BICDL1: variants seen among roughly 807,000 people sequenced by gnomAD.
BICDL1 encodes BICD family-like cargo adapter 1.
Under a neutral mutation model 76.8 loss-of-function variants are expected in BICDL1, and 20 were observed. The ratio of observed to expected loss-of-function variants is 0.26; its 90% CI spans 0.18 to 0.38. BICDL1 has a LOEUF of 0.38. BICDL1 is among the 10% of genes least tolerant of loss of function. BICDL1 has a pLI of 1.00. For synonymous variants in BICDL1, 383 were observed against 337.1 expected (o/e 1.14, Z -1.49); for missense variants, 700 against 798.6 (o/e 0.88, Z 1.49).
chr12:120,047,343 A>G (rs1042455232), intron 2 of BICDL1, among the ~76,000 whole-genome samples: 10 of 152,182 alleles, frequency 6.6e-5, no homozygotes, highest in South Asian at 4.1e-4. Context: ...AAAAGGGGTA[A>G]TGAAATGGAA....
At chr12:120,006,311 TTATA>T (rs1409105663) in intron 2 of BICDL1, among the ~76,000 whole-genome samples, 5 of 152,346 alleles carry the variant, frequency 3.3e-5, no homozygotes, top group South Asian at 4.1e-4. Flanking sequence ...GTATTTATCT[TTATA>T]TATGTTGTAT....
chr12:120,084,774 C>T (rs1874265818), intron 8 of BICDL1, among the ~76,000 whole-genome samples: 1 of 151,808 alleles, frequency 6.6e-6, no homozygotes, highest in African/African-American at 2.4e-5. Flanking sequence ...CCTGTAATCC[C>T]AGCTACTCAG....
intron 1 of BICDL1, among the ~76,000 whole-genome samples, chr12:119,996,950 A>G (rs7978779): frequency 8.2e-6 from 1 of 121,426 alleles, no homozygotes; most frequent in Non-Finnish European, 1.8e-5. Flanking sequence ...AAACAAAAAG[A>G]TTTTTTTTTT....
intron 2 of BICDL1, among the ~76,000 whole-genome samples, chr12:120,051,117 G>A (rs954726677): frequency 2.0e-5 from 3 of 150,334 alleles, no homozygotes; most frequent in Non-Finnish European, 2.9e-5. Context: ...GCGTGATCCC[G>A]GCTCACTGCA....
Position 120,071,882 on chromosome 12 carries a change from C to A in BICDL1, c.1089+81C>A. Reference sequence around the variant, plus strand: ...ATCCTCCTCCCTAGTGCTCAGCTGCCATCCTGGCAAGGCTGTGCCCCTGTG... The same window carrying A: ...ATCCTCCTCCCTAGTGCTCAGCTGCAATCCTGGCAAGGCTGTGCCCCTGTG... On this transcript the variant is annotated intron_variant, in intron 5 of 9. Transcript: ENST00000548673. This position sits in a 1 kb window ranked among gnomAD's most constrained non-coding sequence, Gnocchi z 4.8. 1 of 1,441,458 alleles carries A rather than the reference C, an allele frequency of 6.9e-7. No individual in the cohort carries two copies. The highest frequency in any genetic ancestry group is 1.5e-5 in the South Asian group (1 of 66,670). The allele number at this position is 1,441,458 out of a possible 1,614,324, so 89.3% of individuals were successfully genotyped here. A position where few individuals can be genotyped will look rare whatever the true frequency, so the allele number is the denominator to read the frequency against.
At position 120,071,939 on chromosome 12, in the gene BICDL1, GT is replaced by G. The variant is rs1873138604; in HGVS notation, c.1089+139del. 1 of 1,375,788 alleles carries G rather than the reference GT, an allele frequency of 7.3e-7. No homozygotes were observed. Among genetic ancestry groups the G allele is most frequent in the African/African-American group, 1.5e-5 (1 of 67,556 alleles). The allele number at this position is 1,375,788 out of a possible 1,614,324, so 85.2% of individuals were successfully genotyped here. On this transcript the variant is annotated intron_variant, in intron 5 of 9. Coordinates refer to ENST00000548673, the MANE Select transcript of BICDL1 (RefSeq NM_001367886.1). This position sits in a 1 kb window ranked among gnomAD's most constrained non-coding sequence, Gnocchi z 4.8. Reference sequence around the variant, plus strand: ...TCAGCCCCTTGGCCTGCTGGCTAGAGTGTCATGAAGCAGGCCCTGATGGAGC... The same window carrying G: ...TCAGCCCCTTGGCCTGCTGGCTAGAGGTCATGAAGCAGGCCCTGATGGAGC...
Position 120,092,792 on chromosome 12 carries a change from A to G in BICDL1, c.1705-208A>G, listed in dbSNP as rs535160444. 5.1e-6 allele frequency: 5 copies of G among 985,436 alleles called. No homozygotes were observed. In the African/African-American group the frequency reaches 8.7e-5, roughly 17 times the overall value. 61.0% of individuals were successfully genotyped at this position (985,436 alleles called of 1,614,324 possible). A position where few individuals can be genotyped will look rare whatever the true frequency, so the allele number is the denominator to read the frequency against. On this transcript the variant is annotated intron_variant, in intron 9 of 9. Transcript: ENST00000548673. ...TTGAGGAGAACCCAGCCCAAGCCTG[A>G]GGAGGCTGGAGGTGCCATACGGCTC...
chr12:120,054,074 CT>C (rs35079479), intron 2 of BICDL1, among the ~76,000 whole-genome samples: 43,984 of 140,280 alleles, frequency 0.31, 8,091 homozygotes, highest in African/African-American at 0.54. Context: ...AAAATTGTAA[CT>C]TTTTTTTTTT....
At chr12:119,993,937 G>A (rs1455510615) in intron 1 of BICDL1, among the ~76,000 whole-genome samples, 1 of 152,200 alleles carries the variant, frequency 6.6e-6, no homozygotes, top group Admixed American at 6.5e-5. Flanking sequence ...AGTTCTGAAG[G>A]CATTTTTAAA....
At chr12:120,069,115 T>C (rs947654322) in intron 4 of BICDL1, among the ~76,000 whole-genome samples, 6 of 152,170 alleles carry the variant, frequency 3.9e-5, no homozygotes, top group African/African-American at 1.2e-4. Context: ...TGTAGGCTTA[T>C]GTGAAAATCT....
chr12:120,025,273 A>G (rs1952273753), intron 2 of BICDL1, among the ~76,000 whole-genome samples: 2 of 150,550 alleles, frequency 1.3e-5, no homozygotes, highest in South Asian at 4.2e-4. Flanking sequence ...GATGGTCTTG[A>G]TCTCCTGACC....
intron 1 of BICDL1, among the ~76,000 whole-genome samples, chr12:119,995,753 G>A (rs530742820): frequency 2.0e-4 from 30 of 152,106 alleles, no homozygotes; most frequent in Non-Finnish European, 3.8e-4. Flanking sequence ...TTGGGAGGCC[G>A]AGGCAAGCGG....
At chr12:120,072,040 C>G (rs1329294236) in intron 5 of BICDL1, among the ~76,000 whole-genome samples, 2 of 152,230 alleles carry the variant, frequency 1.3e-5, no homozygotes, top group African/African-American at 4.8e-5. Context: ...GACAGAGTAT[C>G]ATAGGCACAG....
chr12:120,024,389 T>G (rs1018692337), intron 2 of BICDL1, among the ~76,000 whole-genome samples: 35 of 152,132 alleles, frequency 2.3e-4, no homozygotes, highest in African/African-American at 8.0e-4. Flanking sequence ...AGATTAGACA[T>G]TACAAGAGAA....
Position 119,989,920 on chromosome 12 carries a change from C to G in BICDL1, c.52C>G (p.Pro18Ala), listed in dbSNP as rs1280130807. The change falls in exon 1 of 10, where the codon CCG becomes GCG. Residue 18 changes from proline (P) to alanine (A), a missense_variant. Physicochemically the swap from Pro to Ala is conservative, Grantham distance 27. Coordinates refer to ENST00000548673, the MANE Select transcript of BICDL1 (RefSeq NM_001367886.1). Reference sequence around the variant, plus strand: ...CGGCCGCGCTTCAGCACCCGCCGAGCCGGACAGCGCCTGCTGCATGGAGCT... The same window carrying G: ...CGGCCGCGCTTCAGCACCCGCCGAGGCGGACAGCGCCTGCTGCATGGAGCT... ...LVGRASAPAE[P>A]DSACCMELPA... 8 of 1,460,758 alleles carry G rather than the reference C, an allele frequency of 5.5e-6. No homozygotes were observed. Among genetic ancestry groups the G allele is most frequent in the Non-Finnish European group, 6.3e-6 (7 of 1,119,318 alleles). The allele number at this position is 1,460,758 out of a possible 1,614,324, so 90.5% of individuals were successfully genotyped here.
rs202156339 is a variant in BICDL1, at chr12:120,013,313, C to CAA, written c.645+14591_645+14592dup. On this transcript the variant is annotated intron_variant, in intron 2 of 9. Transcript: ENST00000548673. ...TGGGGGACAGAGCAAGACTCCATCT[C>CAA]AAAAAAAAAAAAAAATTATAAAGCC... is the stretch of plus-strand genomic sequence containing the variant. Among the ~76,000 whole-genome samples the CAA allele has an allele frequency of 2.8e-3, 357 of 128,262 alleles. 3 individuals are homozygous for CAA. Among genetic ancestry groups the CAA allele is most frequent in the African/African-American group, 8.2e-3 (302 of 36,760 alleles). 84.1% of individuals were successfully genotyped at this position (128,262 alleles called of 152,430 possible).
rs748298243 is a variant in BICDL1, at chr12:120,093,160, A to T, written c.1865A>T (p.Ter622LeuextTer57). The T allele has an allele frequency of 1.3e-6, 2 of 1,591,738 alleles. No homozygotes were observed. Among genetic ancestry groups the T allele is most frequent in the Non-Finnish European group, 1.7e-6 (2 of 1,168,676 alleles). The stretch of plus-strand genomic sequence containing the variant: ...CTCTTCTCATTCTTCAGGAAAATTT[A>T]AGTTGGGAGGAGTCAGGCCACCAAA... ...KRLFSFFRKI[*>L] is the part of the protein sequence containing the mutation. Residue 622 changes from the stop codon to leucine (L), a stop_lost, in exon 10 of 10, where the codon TAA becomes TTA. Coordinates refer to ENST00000548673, the MANE Select transcript of BICDL1 (RefSeq NM_001367886.1).
chr12:120,044,644 C>G (rs1339639692), intron 2 of BICDL1, among the ~76,000 whole-genome samples: 1 of 152,178 alleles, frequency 6.6e-6, no homozygotes, highest in Non-Finnish European at 1.5e-5. Flanking sequence ...GTTTTCCCAG[C>G]ACCATTTATT....
At position 119,989,462 on chromosome 12, in the gene BICDL1, G is replaced by GGCAGCAGCAGCAGCGGCGGCAGCA. The variant is rs1555277931; in HGVS notation, c.-393_-392insGGCGGCAGCAGCAGCAGCAGCAGC. On this transcript the variant is annotated 5_prime_UTR_variant, in exon 1 of 10. Coordinates refer to ENST00000548673, the MANE Select transcript of BICDL1 (RefSeq NM_001367886.1). ...CGTGAGGCGCTGCCCGGCCGGCGGC[G>GGCAGCAGCAGCAGCGGCGGCAGCA]GCAGCAGCAGCAGCAGCGGCAGCGG... Among the ~76,000 whole-genome samples the GGCAGCAGCAGCAGCGGCGGCAGCA allele has an allele frequency of 6.8e-6, 1 of 146,968 alleles. No individual in the cohort carries two copies.
Sources: gnomAD v4.1 joint callset for allele counts (sites outside exome capture counted in the v4.1 genomes callset) on GRCh38, gnomAD v4.1.1 for gene constraint, Gnocchi (gnomAD v3.1) non-coding constraint, MANE v1.5 for transcripts, NCBI Gene and HGNC (gene_info 2026-07-23, HGNC 2026-07-21) for gene names.